MAP9: variants seen among roughly 807,000 people sequenced by gnomAD.
The protein encoded by MAP9 is microtubule-associated protein 9.
In MAP9, 80 loss-of-function variants were observed where a neutral mutation model predicts 75.2. That is an observed-to-expected ratio of 1.06 (90% CI 0.89 to 1.28). The LOEUF is 1.28. MAP9 is among the 50% of genes most tolerant of loss of function. The probability of loss-of-function intolerance (pLI) is 0.00; values close to 1 mark genes in which losing one functional copy is unlikely to be tolerated. For missense variants in MAP9, 753 were observed against 719.9 expected (o/e 1.05, Z -0.53); for synonymous variants, 235 against 237.3 (o/e 0.99, Z 0.09).
At chr4:155,364,103 A>G (rs1732214987) in intron 5 of MAP9, among the ~76,000 whole-genome samples, 1 of 152,144 alleles carries the variant, frequency 6.6e-6, no homozygotes, top group African/African-American at 2.4e-5. Flanking sequence ...TCCTGACAGC[A>G]TTCAGACAAA....
At chr4:155,360,588 CAA>C (rs3839153) in intron 6 of MAP9, 173 bp from the exon 7 acceptor site, 12 of 563,758 alleles carry the variant, frequency 2.1e-5, no homozygotes, top group Admixed American at 3.3e-5. Flanking sequence ...AAGTGATTTA[CAA>C]AAAAAAATAG....
intron 13 of MAP9, 150 bp downstream of exon 13, chr4:155,352,446 C>A: frequency 1.2e-5 from 8 of 679,468 alleles, no homozygotes; most frequent in East Asian, 3.3e-5. Context: ...AGAAAATATG[C>A]TATATGCAGG....
At chr4:155,360,046 A>C (rs1731997292) in intron 7 of MAP9, 122 bp downstream of exon 7, 1 of 883,802 alleles carries the variant, frequency 1.1e-6, no homozygotes, top group Non-Finnish European at 1.7e-6. Context: ...ATACAATATC[A>C]CTATCAAAAG....
At chr4:155,362,910 C>G (rs1732154088) in intron 5 of MAP9, 1 of 152,128 alleles carries the variant, frequency 6.6e-6, no homozygotes, top group Non-Finnish European at 1.5e-5. Flanking sequence ...GGAGTCTACC[C>G]TGAAAGATAA....
At chr4:155,375,254 G>GC (rs1732789028) in intron 2 of MAP9, among the ~76,000 whole-genome samples, 1 of 152,154 alleles carries the variant, frequency 6.6e-6, no homozygotes, top group Non-Finnish European at 1.5e-5. Context: ...AGTTTAACTA[G>GC]AGGAGACACA....
Position 155,374,996 on chromosome 4 carries a change from GCTGTAATTGCTCTTATTAGCTCATC to G in MAP9, c.76_100del (p.Asp26LeufsTer23). The G allele has an allele frequency of 1.9e-6, 3 of 1,586,420 alleles. No homozygotes were observed. In the South Asian group the frequency reaches 3.4e-5, roughly 18 times the overall value. Reference sequence around the variant, plus strand: ...AGAACTCCTTTGTCTGGCTGAGCGAGCTGTAATTGCTCTTATTAGCTCATCCTGAAATGAGATACTGAAATCAATT... The same window carrying G: ...AGAACTCCTTTGTCTGGCTGAGCGAGCTGAAATGAGATACTGAAATCAATT... On this transcript the variant is annotated frameshift_variant and splice_region_variant, in exon 3 of 14. Transcript: ENST00000311277. LOFTEE classifies it high-confidence loss of function.
At chr4:155,354,470 CT>C (rs11370097) in intron 10 of MAP9, 68 of 126,460 alleles carry the variant, frequency 5.4e-4, no homozygotes, top group Admixed American at 9.9e-4. Context: ...CTTGTCGTGC[CT>C]TTTTTTTTTT....
At chr4:155,352,092 T>C (rs757282396) in intron 13 of MAP9, among the ~76,000 whole-genome samples, 2 of 152,044 alleles carry the variant, frequency 1.3e-5, no homozygotes, top group Non-Finnish European at 2.9e-5. Context: ...AGCTAGCTAT[T>C]GCTCCTCCTA....
chr4:155,345,020 C>A lies in MAP9; in HGVS notation c.*2763G>T, dbSNP rs1731233584. 1.3e-5 allele frequency: 2 copies of A among 151,792 alleles called. No individual in the cohort carries two copies. The highest frequency in any genetic ancestry group is 4.1e-4 in the South Asian group (2 of 4,828). The allele number at this position is 151,792 out of a possible 1,614,324, so 9.4% of individuals were successfully genotyped here. ...TTGAATTAAACATTCCCTTATAATA[C>A]AAATTAATGTAAACCTAATGAGTAA... is the stretch of plus-strand genomic sequence containing the variant. On this transcript the variant is annotated 3_prime_UTR_variant, in exon 14 of 14. Transcript: ENST00000311277.
intron 4 of MAP9, among the ~76,000 whole-genome samples, chr4:155,372,018 G>C (rs575511851): frequency 3.2e-4 from 48 of 152,242 alleles, no homozygotes; most frequent in Admixed American, 2.6e-3. Context: ...TGCAGGAATA[G>C]AAAGAGGGTT....
At chr4:155,373,996 T>C (rs999681125) in intron 3 of MAP9, among the ~76,000 whole-genome samples, 9 of 152,186 alleles carry the variant, frequency 5.9e-5, no homozygotes, top group Non-Finnish European at 1.2e-4. Flanking sequence ...TTAACTGTGG[T>C]TATTACTGGT....
chr4:155,366,142 C>T (rs184128335), intron 5 of MAP9, among the ~76,000 whole-genome samples: 115 of 152,150 alleles, frequency 7.6e-4, no homozygotes, highest in African/African-American at 2.5e-3. Context: ...GGGTGGATCA[C>T]GATGTCAGGA....
intron 7 of MAP9, among the ~76,000 whole-genome samples, chr4:155,358,127 G>A (rs1731889487): frequency 6.6e-6 from 1 of 152,186 alleles, no homozygotes; most frequent in African/African-American, 2.4e-5. Context: ...AGGTCATTCA[G>A]TAGAGAGTAA....
At chr4:155,374,283 G>A (rs2111294936) in intron 3 of MAP9, among the ~76,000 whole-genome samples, 1 of 152,214 alleles carries the variant, frequency 6.6e-6, no homozygotes, top group South Asian at 2.1e-4. Flanking sequence ...AGGTTGCAGT[G>A]AGCCGAGATT....
chr4:155,366,183 A>G (rs62325865), intron 5 of MAP9, among the ~76,000 whole-genome samples: 26,473 of 151,826 alleles, frequency 0.17, 2,972 homozygotes, highest in South Asian at 0.28. Context: ...ACGCGGTGAA[A>G]CCCCGTCTCT....
chr4:155,359,322 A>G (rs6813360), intron 7 of MAP9, among the ~76,000 whole-genome samples: 4 of 151,686 alleles, frequency 2.6e-5, no homozygotes, highest in African/African-American at 9.7e-5. Context: ...TATTACCTTA[A>G]GTGAAATAAA....
chr4:155,374,811 A>C, intron 3 of MAP9, 126 bp downstream of exon 3: 1 of 465,476 alleles, frequency 2.1e-6, no homozygotes, highest in Non-Finnish European at 3.8e-6. Flanking sequence ...ATCTAAAATT[A>C]GTGAATGCTT....
chr4:155,368,247 A>C, intron 5 of MAP9: 2 of 403,400 alleles, frequency 5.0e-6, no homozygotes, highest in Non-Finnish European at 8.7e-6. Flanking sequence ...ATTAAAGATA[A>C]ACACTATTAT....
chr4:155,366,126 C>T (rs1008459764), intron 5 of MAP9, among the ~76,000 whole-genome samples: 4 of 151,888 alleles, frequency 2.6e-5, no homozygotes, highest in Admixed American at 6.6e-5. Context: ...CTTGGGAGGC[C>T]GAGGTGGGTG....
Sources: gnomAD v4.1 joint callset for allele counts (sites outside exome capture counted in the v4.1 genomes callset) on GRCh38, gnomAD v4.1.1 for gene constraint, MANE v1.5 for transcripts, NCBI Gene and HGNC (gene_info 2026-07-23, HGNC 2026-07-21) for gene names.